CCSER1: variants seen among roughly 807,000 people sequenced by gnomAD.
CCSER1 encodes serine-rich coiled-coil domain-containing protein 1.
CCSER1 carries 41 observed loss-of-function variants against 82.0 expected under a neutral mutation model. The ratio of observed to expected loss-of-function variants is 0.50; its 90% confidence interval spans 0.39 to 0.65. The LOEUF is 0.65. Among genes scored for constraint, CCSER1 ranks in the 30% least tolerant of loss-of-function variants. CCSER1 has a pLI of 0.00. For missense variants in CCSER1, 1,119 were observed against 1,064.2 expected (o/e 1.05, Z -0.72); for synonymous variants, 414 against 383.9 (o/e 1.08, Z -0.92).
chr4:91,307,526 A>G (rs1745155501), intron 10 of CCSER1, among the ~76,000 whole-genome samples: 1 of 151,986 alleles, frequency 6.6e-6, no homozygotes, highest in Non-Finnish European at 1.5e-5. Flanking sequence ...GCAACTTGGT[A>G]TACTTATACC....
intron 10 of CCSER1, among the ~76,000 whole-genome samples, chr4:91,439,960 T>G (rs1754994052): frequency 6.6e-6 from 1 of 152,106 alleles, no homozygotes; most frequent in African/African-American, 2.4e-5. Flanking sequence ...CCCAGATTCA[T>G]AAAGCAAGTC....
chr4:90,310,301 C>CT (rs1735073596), intron 2 of CCSER1, among the ~76,000 whole-genome samples: 1 of 151,834 alleles, frequency 6.6e-6, no homozygotes, highest in Non-Finnish European at 1.5e-5. Flanking sequence ...CTACAGAAAA[C>CT]TTTGTTTTTT....
At chr4:90,354,503 A>G (rs733660) in intron 3 of CCSER1, among the ~76,000 whole-genome samples, 38,504 of 151,960 alleles carry the variant, frequency 0.25, 5,129 homozygotes, top group African/African-American at 0.33. Context: ...GCACACAAAC[A>G]CACACACGCA....
rs150812990 is a variant in CCSER1, at chr4:90,187,777, G to A, written c.-42+59946G>A. Among the ~76,000 whole-genome samples, 908 of 151,950 alleles carry A rather than the reference G, an allele frequency of 6.0e-3. 14 individuals are homozygous for A. Among genetic ancestry groups the A allele is most frequent in the African/African-American group, 0.021 (852 of 41,486 alleles). ...GATGAATATAGTGTCTTGAAGGACT[G>A]GTGATATTTTTAAAGATGAAAAGGC... is the stretch of plus-strand genomic sequence containing the variant. On this transcript the variant is annotated intron_variant, in intron 1 of 10. Coordinates refer to ENST00000509176, the MANE Select transcript of CCSER1 (RefSeq NM_001145065.2).
At chr4:91,064,411 T>C (rs1003404002) in intron 9 of CCSER1, among the ~76,000 whole-genome samples, 7 of 152,200 alleles carry the variant, frequency 4.6e-5, no homozygotes, top group Admixed American at 3.3e-4. Context: ...CAGCAAAGTC[T>C]GGAGGAATTC....
intron 9 of CCSER1, among the ~76,000 whole-genome samples, chr4:91,006,094 T>C (rs1163810098): frequency 1.3e-5 from 2 of 152,218 alleles, no homozygotes; most frequent in Admixed American, 1.3e-4. Flanking sequence ...AGATTCTTTT[T>C]TCTATTTCTG....
chr4:90,301,423 C>A (rs1016638177), intron 1 of CCSER1, among the ~76,000 whole-genome samples: 1 of 152,072 alleles, frequency 6.6e-6, no homozygotes, highest in Admixed American at 6.6e-5. Context: ...TGCTAAAGAA[C>A]AAAAGTACTG....
At chr4:90,152,073 G>T (rs1314647525) in intron 1 of CCSER1, among the ~76,000 whole-genome samples, 1 of 152,106 alleles carries the variant, frequency 6.6e-6, no homozygotes, top group African/African-American at 2.4e-5. Context: ...GTTTTTGACT[G>T]CAAGTAACCC....
At chr4:91,382,943 G>T (rs115997472) in intron 10 of CCSER1, among the ~76,000 whole-genome samples, 2,984 of 151,780 alleles carry the variant, frequency 0.02, 75 homozygotes, top group African/African-American at 0.067. Context: ...TATCGAGGCA[G>T]GACTGTCCAC....
chr4:90,828,785 T>C (rs1028470608), intron 8 of CCSER1, among the ~76,000 whole-genome samples: 4 of 152,260 alleles, frequency 2.6e-5, no homozygotes, highest in Admixed American at 2.0e-4. Flanking sequence ...AAGCAGGCAA[T>C]TAGTAAATAT....
chr4:91,581,867 T>A (rs1404915992), intron 10 of CCSER1, among the ~76,000 whole-genome samples: 2 of 143,206 alleles, frequency 1.4e-5, no homozygotes, highest in Non-Finnish European at 3.2e-5. Context: ...CCCTCATTAA[T>A]AACATTAAAA....
At chr4:90,609,166 A>T (rs528182714) in intron 5 of CCSER1, among the ~76,000 whole-genome samples, 10 of 152,096 alleles carry the variant, frequency 6.6e-5, no homozygotes, top group Admixed American at 2.0e-4. Context: ...TTATACTTAG[A>T]CGTTTGTTTC....
At chr4:90,706,028 A>T (rs1175342313) in intron 6 of CCSER1, among the ~76,000 whole-genome samples, 4 of 152,120 alleles carry the variant, frequency 2.6e-5, no homozygotes, top group African/African-American at 7.2e-5. Flanking sequence ...CTGGTACCTC[A>T]GTTGGAAATG....
intron 10 of CCSER1, among the ~76,000 whole-genome samples, chr4:91,141,922 G>C (rs1729069358): frequency 6.6e-6 from 1 of 152,104 alleles, no homozygotes; most frequent in South Asian, 2.1e-4. Flanking sequence ...GTCTTCTTTT[G>C]AGAAGTGTCT....
intron 7 of CCSER1, among the ~76,000 whole-genome samples, chr4:90,799,859 A>G (rs1399542929): frequency 6.6e-6 from 1 of 152,194 alleles, no homozygotes; most frequent in Non-Finnish European, 1.5e-5. Context: ...TGTAGTGGTC[A>G]ACGGGGCTCC....
intron 7 of CCSER1, among the ~76,000 whole-genome samples, chr4:90,811,814 A>C (rs1175931262): frequency 6.6e-6 from 1 of 151,938 alleles, no homozygotes; most frequent in Admixed American, 6.6e-5. Flanking sequence ...TGGAGCTTGG[A>C]ATACAGATAA....
intron 10 of CCSER1, among the ~76,000 whole-genome samples, chr4:91,529,364 G>T (rs1341489665): frequency 6.6e-6 from 1 of 152,112 alleles, no homozygotes; most frequent in Non-Finnish European, 1.5e-5. Flanking sequence ...TGTAGGGCAA[G>T]AAGGAATTCT....
At chr4:90,823,588 C>T (rs559744000) in intron 8 of CCSER1, among the ~76,000 whole-genome samples, 1 of 151,858 alleles carries the variant, frequency 6.6e-6, no homozygotes, top group Admixed American at 6.6e-5. Flanking sequence ...TTAATAGTAA[C>T]CATTTGGAGT....
At chr4:91,398,494 C>G (rs1026825698) in intron 10 of CCSER1, among the ~76,000 whole-genome samples, 4 of 151,602 alleles carry the variant, frequency 2.6e-5, no homozygotes, top group Non-Finnish European at 4.4e-5. Context: ...GTGATGGTTA[C>G]TTATTTAAAA....
Sources: allele counts gnomAD v4.1 joint callset (sites outside exome capture counted in the v4.1 genomes callset), GRCh38; gene constraint gnomAD v4.1.1; transcripts MANE v1.5; gene names NCBI Gene and HGNC (gene_info 2026-07-23, HGNC 2026-07-21).